Variants in AMZ1 observed in about 807,000 individuals in gnomAD.
AMZ1 encodes archaelysin family metallopeptidase 1, also known as archaemetzincin-1.
In AMZ1, 39 loss-of-function variants were observed where a neutral mutation model predicts 29.9. The ratio of observed to expected loss-of-function variants is 1.30; its 90% confidence interval spans 1.01 to 1.70. The LOEUF is 1.70. Ranked by LOEUF, AMZ1 falls within the 40% of genes most tolerant of loss-of-function variation. The pLI is 0.00. For synonymous variants in AMZ1, 458 were observed against 304.0 expected, an observed-to-expected ratio of 1.51 and a Z score of -5.27; for missense variants, 1,041 against 680.6, an observed-to-expected ratio of 1.53 and a Z score of -5.89.
At chr7:2,744,269 C>A (rs558809902) in intron 4 of AMZ1, among the ~76,000 whole-genome samples, 27 of 152,220 alleles carry the variant, frequency 1.8e-4, no homozygotes, top group Non-Finnish European at 8.8e-5. Context: ...AGGCACCCCC[C>A]AGTAGGGGCG....
At chr7:2,692,523 T>C (rs903173118) in intron 1 of AMZ1, among the ~76,000 whole-genome samples, 29 of 152,064 alleles carry the variant, frequency 1.9e-4, no homozygotes, top group African/African-American at 6.0e-4. Context: ...GCCTGGGTGA[T>C]AGAGTGAGGC....
chr7:2,686,213 C>T (rs183997935), upstream of AMZ1, among the ~76,000 whole-genome samples: 5 of 152,258 alleles, frequency 3.3e-5, no homozygotes, highest in South Asian at 2.1e-4. Context: ...GCCTGCAGAA[C>T]GCAGTATGTG....
At chr7:2,709,497 G>GA in intron 5 of AMZ1, 143 bp from the exon 6 acceptor site, 1 of 1,318,698 alleles carries the variant, frequency 7.6e-7, no homozygotes, top group Non-Finnish European at 1.0e-6. Context: ...GTGCCGCCTG[G>GA]GGCAGGGGGA....
At chr7:2,728,229 C>G (rs1206954456) in intron 4 of AMZ1, 2 of 152,322 alleles carry the variant, frequency 1.3e-5, no homozygotes, top group African/African-American at 4.8e-5. Flanking sequence ...CCATGAACAA[C>G]TGACCCGGAC....
In AMZ1 at chr7:2,731,787, G is replaced by A. The variant is rs755763128; in HGVS notation, n.550+21971G>A. ...AGGATGAGGCAGAAATTTAGGGGGA[G>A]GAAGAAAGAACAGAGAAAATAGAAA... On this transcript the variant is annotated intron_variant and non_coding_transcript_variant, in intron 4 of 4. Transcript: ENST00000489665. This position sits in a 1 kb window ranked among gnomAD's most constrained non-coding sequence, Gnocchi z 6.0. 23 of 1,087,556 alleles carry A rather than the reference G, an allele frequency of 2.1e-5. No homozygotes were observed. The highest frequency in any genetic ancestry group is 2.1e-4 in the Middle Eastern group (1 of 4,708). 67.4% of individuals were successfully genotyped at this position (1,087,556 alleles called of 1,614,324 possible).
chr7:2,748,603 A>C (rs1227333270), intron 4 of AMZ1, among the ~76,000 whole-genome samples: 1 of 152,214 alleles, frequency 6.6e-6, no homozygotes, highest in Admixed American at 6.5e-5. Flanking sequence ...GGCATGGGCA[A>C]GGACTTCATG....
intron 1 of AMZ1, among the ~76,000 whole-genome samples, chr7:2,681,270 T>A (rs993968321): frequency 6.6e-6 from 1 of 152,198 alleles, no homozygotes; most frequent in Non-Finnish European, 1.5e-5. Flanking sequence ...TTGCCCAGGC[T>A]GGAGTGCAGT....
intron 6 of AMZ1, among the ~76,000 whole-genome samples, chr7:2,710,939 G>T (rs1374264312): frequency 6.6e-6 from 1 of 152,246 alleles, no homozygotes; most frequent in Non-Finnish European, 1.5e-5. Context: ...AACAGGCACA[G>T]GGGCAGCTTG....
At chr7:2,701,613 T>A (rs1447552800) in intron 2 of AMZ1, among the ~76,000 whole-genome samples, 1 of 152,184 alleles carries the variant, frequency 6.6e-6, no homozygotes, top group Non-Finnish European at 1.5e-5. Context: ...GCCTCTCACA[T>A]GCCAAGAGCA....
chr7:2,752,596 G>C (rs555840563), intron 4 of AMZ1, among the ~76,000 whole-genome samples: 1 of 152,154 alleles, frequency 6.6e-6, no homozygotes, highest in African/African-American at 2.4e-5. Flanking sequence ...CGTGAGTTCA[G>C]CACATTCACA....
intron 1 of AMZ1, among the ~76,000 whole-genome samples, chr7:2,680,890 C>T (rs911923717): frequency 2.0e-5 from 3 of 152,258 alleles, no homozygotes; most frequent in Non-Finnish European, 4.4e-5. Context: ...TTTCCATGGT[C>T]CGTGGTGTGG....
chr7:2,717,423 C>T lies in AMZ1; in HGVS notation c.*4545C>T, dbSNP rs904757832. Reference sequence around the variant, plus strand: ...GAGAGACTCACGGGGGCCTGGCTGCCGTCCTGGGAGAGGCCCCGGGAACCG... The same window carrying T: ...GAGAGACTCACGGGGGCCTGGCTGCTGTCCTGGGAGAGGCCCCGGGAACCG... On this transcript the variant is annotated 3_prime_UTR_variant, in exon 7 of 7. Coordinates refer to ENST00000683327, the MANE Select transcript of AMZ1 (RefSeq NM_001384743.1). Among the ~76,000 whole-genome samples the T allele has an allele frequency of 4.6e-5, 7 of 152,172 alleles. No homozygotes were observed. Among genetic ancestry groups the T allele is most frequent in the Admixed American group, 2.0e-4 (3 of 15,280 alleles).
intron 4 of AMZ1, among the ~76,000 whole-genome samples, chr7:2,725,040 C>T (rs1341064415): frequency 1.3e-5 from 2 of 152,186 alleles, no homozygotes; most frequent in East Asian, 1.9e-4. Flanking sequence ...TAACTTGCAG[C>T]AGCATCCACC....
intron 1 of AMZ1, among the ~76,000 whole-genome samples, chr7:2,693,453 C>T (rs1040514919): frequency 2.0e-5 from 3 of 152,194 alleles, no homozygotes; most frequent in African/African-American, 7.2e-5. Context: ...GATCACAGCT[C>T]ACTGCAGCCT....
chr7:2,730,345 AG>A (rs1789823441), intron 4 of AMZ1: 1 of 152,346 alleles, frequency 6.6e-6, no homozygotes, highest in South Asian at 2.1e-4. Context: ...TGGGTGGCTA[AG>A]GGGAGAAGAG....
Position 2,712,458 on chromosome 7 carries a change from G to A in AMZ1, c.1077G>A (p.Glu359=). 1 of 1,611,202 alleles carries A rather than the reference G, an allele frequency of 6.2e-7. No individual in the cohort carries two copies. Among genetic ancestry groups the A allele is most frequent in the Non-Finnish European group, 8.5e-7 (1 of 1,179,612 alleles). Residue 359 remains glutamate (E), a synonymous_variant, in exon 7 of 7, where the codon GAG becomes GAA. Coordinates refer to ENST00000683327, the MANE Select transcript of AMZ1 (RefSeq NM_001384743.1). ...DSGMCCESDS[E]PGTSVSEPLT... ...GCATGTGCTGTGAGAGTGACTCGGA[G>A]CCCGGCACCAGTGTGTCGGAGCCCC... is the stretch of plus-strand genomic sequence containing the variant.
intron 4 of AMZ1, among the ~76,000 whole-genome samples, chr7:2,737,522 C>A (rs961003953): frequency 6.6e-6 from 1 of 152,082 alleles, no homozygotes; most frequent in East Asian, 1.9e-4. Flanking sequence ...CTCCTGACCT[C>A]AGGTAATCCA....
At chr7:2,698,353 C>G (rs1232001277) in intron 1 of AMZ1, among the ~76,000 whole-genome samples, 1 of 152,140 alleles carries the variant, frequency 6.6e-6, no homozygotes, top group South Asian at 2.1e-4. Context: ...GCCTGGCCAA[C>G]ATGGTGAAAC....
intron 4 of AMZ1, among the ~76,000 whole-genome samples, chr7:2,754,771 A>G (rs964779061): frequency 2.0e-5 from 3 of 152,144 alleles, no homozygotes; most frequent in African/African-American, 7.2e-5. Flanking sequence ...TTTGCAGAGC[A>G]AACATTTCAA....
Sources: allele counts gnomAD v4.1 joint callset (sites outside exome capture counted in the v4.1 genomes callset), GRCh38; gene constraint gnomAD v4.1.1; non-coding constraint Gnocchi (gnomAD v3.1); transcripts MANE v1.5; gene names NCBI Gene and HGNC (gene_info 2026-07-23, HGNC 2026-07-21).